PTGER3: variants seen among roughly 807,000 people sequenced by gnomAD.
PTGER3 encodes prostaglandin E receptor 3.
In PTGER3, 22 loss-of-function variants were observed where a neutral mutation model predicts 34.7. That is an observed-to-expected ratio of 0.63 (90% confidence interval 0.45 to 0.91). The LOEUF (loss-of-function observed/expected upper bound fraction) is 0.91. PTGER3 is among the 40% of genes least tolerant of loss of function. The pLI is 0.00. For missense variants in PTGER3, 468 were observed against 519.4 expected (o/e 0.90, Z 0.96); for synonymous variants, 241 against 230.1 (o/e 1.05, Z -0.43).
intron 2 of PTGER3, among the ~76,000 whole-genome samples, chr1:70,979,461 T>A (rs1244056032): frequency 2.0e-5 from 3 of 146,852 alleles, no homozygotes; most frequent in African/African-American, 5.1e-5. Flanking sequence ...TACAGACAGA[T>A]TTGTCACTTC....
At chr1:70,947,699 G>T (rs499641), downstream of PTGER3, among the ~76,000 whole-genome samples, 70,467 of 151,986 alleles carry the variant, frequency 0.46, 18,528 homozygotes, top group East Asian at 0.71. Flanking sequence ...TTGGGTTGCT[G>T]AGTTTCAGGT....
At chr1:71,008,411 C>T in intron 2 of PTGER3, 1 of 877,078 alleles carries the variant, frequency 1.1e-6, no homozygotes, top group African/African-American at 1.8e-5. Flanking sequence ...TAAATTATAA[C>T]CCTTAAATAG....
intron 4 of PTGER3, among the ~76,000 whole-genome samples, chr1:70,885,404 A>G (rs895768531): frequency 3.3e-5 from 5 of 152,194 alleles, no homozygotes; most frequent in African/African-American, 1.2e-4. Context: ...ACTCTAAGAA[A>G]GATACAAAGA....
intron 4 of PTGER3, chr1:70,947,409 A>T (rs1312656907): frequency 1.9e-5 from 3 of 154,232 alleles, no homozygotes; most frequent in South Asian, 2.1e-4. Flanking sequence ...TTCTCTTGCT[A>T]CCACCATGTA....
chr1:70,862,970 G>A (rs1014015944), intron 4 of PTGER3, among the ~76,000 whole-genome samples: 1 of 152,060 alleles, frequency 6.6e-6, no homozygotes, highest in Non-Finnish European at 1.5e-5. Flanking sequence ...CTCCAGGCAA[G>A]GCAGGAAAGT....
intron 4 of PTGER3, among the ~76,000 whole-genome samples, chr1:70,932,332 C>T (rs932398166): frequency 1.3e-5 from 2 of 152,170 alleles, no homozygotes; most frequent in Admixed American, 6.5e-5. Context: ...CCAAACTGTT[C>T]CAACCTTTGC....
intron 2 of PTGER3, among the ~76,000 whole-genome samples, chr1:70,979,733 G>A (rs1009720919): frequency 6.6e-6 from 1 of 152,218 alleles, no homozygotes; most frequent in East Asian, 1.9e-4. Flanking sequence ...CACTTCGTGA[G>A]ACTCTGATCA....
chr1:71,016,752 A>C (rs143813589), intron 1 of PTGER3, among the ~76,000 whole-genome samples: 489 of 151,994 alleles, frequency 3.2e-3, no homozygotes, highest in African/African-American at 0.011. Context: ...GCAGTGAGCC[A>C]AGATAGCACC....
At chr1:70,947,965 C>G (rs1361485712), downstream of PTGER3, among the ~76,000 whole-genome samples, 1 of 152,040 alleles carries the variant, frequency 6.6e-6, no homozygotes, top group Admixed American at 6.6e-5. Flanking sequence ...TTGTAGTAAT[C>G]AAAACATAAT....
intron 4 of PTGER3, among the ~76,000 whole-genome samples, chr1:70,918,376 G>A (rs983797051): frequency 5.3e-5 from 8 of 151,846 alleles, no homozygotes; most frequent in South Asian, 2.1e-4. Flanking sequence ...AAGCACAGGC[G>A]AGCAACAAAA....
At chr1:70,992,840 C>T (rs369932363) in intron 2 of PTGER3, among the ~76,000 whole-genome samples, 15 of 152,202 alleles carry the variant, frequency 9.9e-5, no homozygotes, top group African/African-American at 3.6e-4. Context: ...AAGCACTTAG[C>T]ACAGTGACTA....
chr1:71,044,534 A>G (rs1660591591), intron 1 of PTGER3, among the ~76,000 whole-genome samples: 1 of 152,080 alleles, frequency 6.6e-6, no homozygotes, highest in Admixed American at 6.5e-5. Context: ...ACCCAGTAAA[A>G]TGCTATAAAT....
At chr1:70,966,326 T>G (rs1295442497), downstream of PTGER3, among the ~76,000 whole-genome samples, 17 of 152,024 alleles carry the variant, frequency 1.1e-4, no homozygotes, top group Non-Finnish European at 2.2e-4. Context: ...CACCAAAATC[T>G]CACAAATCAC....
intron 1 of PTGER3, among the ~76,000 whole-genome samples, chr1:71,015,357 G>T (rs993275682): frequency 9.9e-5 from 15 of 152,194 alleles, no homozygotes. Context: ...ACATCAACAC[G>T]TAGGAACCCA....
At chr1:70,991,572 C>T (rs1655486200) in intron 2 of PTGER3, among the ~76,000 whole-genome samples, 1 of 152,168 alleles carries the variant, frequency 6.6e-6, no homozygotes. Context: ...TTCCGTGCCT[C>T]AGTCTCTGAG....
At chr1:70,932,207 A>G (rs1648773998) in intron 4 of PTGER3, among the ~76,000 whole-genome samples, 1 of 152,118 alleles carries the variant, frequency 6.6e-6, no homozygotes, top group Admixed American at 6.5e-5. Context: ...TCCATCTGAG[A>G]CCACATCAGC....
intron 4 of PTGER3, among the ~76,000 whole-genome samples, chr1:70,923,026 G>A (rs1421265364): frequency 2.0e-5 from 3 of 151,972 alleles, no homozygotes; most frequent in Admixed American, 1.3e-4. Flanking sequence ...GCTTATAAAA[G>A]GTTTATTAAA....
At chr1:70,867,335 G>C (rs1444770818) in intron 4 of PTGER3, among the ~76,000 whole-genome samples, 2 of 152,080 alleles carry the variant, frequency 1.3e-5, no homozygotes, top group African/African-American at 2.4e-5. Context: ...ATATTTATTT[G>C]TTTGCTTATT....
intron 4 of PTGER3, among the ~76,000 whole-genome samples, chr1:70,927,495 T>C (rs17090680): frequency 0.01 from 1,538 of 152,318 alleles, 36 homozygotes; most frequent in African/African-American, 0.036. Flanking sequence ...GAGGATAGCA[T>C]TATATATTGG....
Sources: allele counts gnomAD v4.1 joint callset (sites outside exome capture counted in the v4.1 genomes callset), GRCh38; gene constraint gnomAD v4.1.1; transcripts MANE v1.5; gene names NCBI Gene and HGNC (gene_info 2026-07-23, HGNC 2026-07-21).